CCDC171: variants seen among roughly 807,000 people sequenced by gnomAD.
The protein encoded by CCDC171 is coiled-coil domain-containing protein 171.
Under a neutral mutation model 168.2 loss-of-function variants are expected in CCDC171, and 177 were observed. That is an observed-to-expected ratio of 1.05 (90% CI 0.93 to 1.19). The LOEUF (loss-of-function observed/expected upper bound fraction) is 1.19. Ranked by LOEUF, CCDC171 falls within the 50% of genes most tolerant of loss-of-function variation. The pLI is 0.00. For missense variants in CCDC171, 1,991 were observed against 1,539.0 expected (o/e 1.29, Z -4.91); for synonymous variants, 687 against 540.8 (o/e 1.27, Z -3.75).
intron 23 of CCDC171, among the ~76,000 whole-genome samples, chr9:15,872,620 A>T (rs1281645515): frequency 6.6e-6 from 1 of 152,050 alleles, no homozygotes; most frequent in South Asian, 2.1e-4. Context: ...TGACTTTCAA[A>T]GCTAATAGTA....
intron 11 of CCDC171, among the ~76,000 whole-genome samples, chr9:15,702,792 G>A (rs1174839012): frequency 2.0e-5 from 3 of 152,142 alleles, no homozygotes; most frequent in Non-Finnish European, 4.4e-5. Flanking sequence ...TTATGCAGAA[G>A]GCTTTTTTCC....
intron 24 of CCDC171, chr9:15,889,147 G>A (rs1361957166): frequency 6.6e-6 from 1 of 151,166 alleles, no homozygotes; most frequent in Non-Finnish European, 1.5e-5. Context: ...TTTTTATGGA[G>A]ACAGAGTTTT....
chr9:15,596,663 T>A (rs2042389997), intron 6 of CCDC171, among the ~76,000 whole-genome samples: 1 of 151,906 alleles, frequency 6.6e-6, no homozygotes, highest in South Asian at 2.1e-4. Flanking sequence ...TTAAAGTAGT[T>A]TTTTCCAATT....
chr9:15,801,094 G>A (rs1426488229), intron 21 of CCDC171, among the ~76,000 whole-genome samples: 2 of 151,580 alleles, frequency 1.3e-5, no homozygotes, highest in African/African-American at 4.8e-5. Context: ...GGCTATTCTG[G>A]GTCTTTTGTG....
chr9:16,097,779 T>C, the CCDC171 span, among the ~76,000 whole-genome samples: 1 of 152,206 alleles, frequency 6.6e-6, no homozygotes. Context: ...AGTGCATCTC[T>C]CAGAACGAAT....
Position 15,591,488 on chromosome 9 carries a change from A to T in CCDC171, c.475A>T (p.Ile159Phe). The T allele has an allele frequency of 6.2e-7, 1 of 1,607,558 alleles. No homozygotes were observed. ...TGATTTGGAGGAAAGAGACAATATGATCCAAAATTGCAATCGAGAATATGA... is the reference window on the plus strand; with the variant it reads ...TGATTTGGAGGAAAGAGACAATATGTTCCAAAATTGCAATCGAGAATATGA... The part of the protein sequence containing the change: ...EHDLEERDNM[I>F]QNCNREYDLL... The change falls in exon 5 of 26, where the codon ATC becomes TTC. Residue 159 changes from isoleucine to phenylalanine, a missense_variant. Ile to Phe is a conservative substitution (Grantham distance 21). Transcript: ENST00000380701.
chr9:15,658,487 T>A (rs1249201270), intron 8 of CCDC171, among the ~76,000 whole-genome samples: 2 of 152,330 alleles, frequency 1.3e-5, no homozygotes, highest in African/African-American at 4.8e-5. Context: ...TGTCCACATC[T>A]GCCCTTATCC....
intron 7 of CCDC171, among the ~76,000 whole-genome samples, chr9:15,632,559 G>A (rs935807521): frequency 6.6e-6 from 1 of 152,058 alleles, no homozygotes; most frequent in Non-Finnish European, 1.5e-5. Context: ...ATGCTCATGG[G>A]TAGGAAGAAT....
intron 10 of CCDC171, among the ~76,000 whole-genome samples, chr9:15,684,479 A>G (rs1050379040): frequency 6.6e-6 from 1 of 151,910 alleles, no homozygotes; most frequent in African/African-American, 2.4e-5. Context: ...GATCAGCAAG[A>G]CCCATTTACC....
At chr9:15,908,877 A>G (rs1293537471) in intron 24 of CCDC171, among the ~76,000 whole-genome samples, 1 of 152,180 alleles carries the variant, frequency 6.6e-6, no homozygotes, top group East Asian at 1.9e-4. Flanking sequence ...ATCTCCGCTC[A>G]TGATCCAAAT....
intron 21 of CCDC171, among the ~76,000 whole-genome samples, chr9:15,828,623 A>G (rs1487123145): frequency 1.3e-5 from 2 of 152,184 alleles, no homozygotes; most frequent in Non-Finnish European, 2.9e-5. Flanking sequence ...GCAATACAGA[A>G]TAGAGAGGAC....
intron 18 of CCDC171, among the ~76,000 whole-genome samples, chr9:15,771,925 C>G (rs145601894): frequency 6.6e-6 from 1 of 152,104 alleles, no homozygotes. Context: ...CTCTGCCTCC[C>G]GGGTTCAAGT....
At chr9:16,106,612 G>C in the CCDC171 span, among the ~76,000 whole-genome samples, 1 of 152,166 alleles carries the variant, frequency 6.6e-6, no homozygotes, top group African/African-American at 2.4e-5. Flanking sequence ...AACAAAGGTT[G>C]TTTTCCCTCA....
chr9:15,851,317 A>G (rs983465311), intron 23 of CCDC171, among the ~76,000 whole-genome samples: 2 of 151,836 alleles, frequency 1.3e-5, no homozygotes, highest in East Asian at 1.9e-4. Context: ...AGTTAAAAAC[A>G]TATAGTTTTT....
chr9:15,678,675 A>G (rs1351873165), intron 9 of CCDC171, 83 bp from the exon 10 acceptor site: 2 of 1,136,666 alleles, frequency 1.8e-6, no homozygotes, highest in East Asian at 5.1e-5. Context: ...TATGTAGTAC[A>G]TCTGCCATAT....
chr9:15,773,024 ATTATTTTTGCTACT>A lies in CCDC171; in HGVS notation c.2672-4575_2672-4562del, dbSNP rs373226491. Among the ~76,000 whole-genome samples, 652 of 152,064 alleles carry A rather than the reference ATTATTTTTGCTACT, an allele frequency of 4.3e-3. 4 individuals are homozygous for A. The highest frequency in any genetic ancestry group is 7.1e-3 in the Admixed American group (108 of 15,282). ...ATTACTCATTATTACAATATTAGTA[ATTATTTTTGCTACT>A]ATTATACTCATTACTAACATTATTT... On this transcript the variant is annotated intron_variant, in intron 18 of 25. Coordinates refer to ENST00000380701, the MANE Select transcript of CCDC171 (RefSeq NM_173550.4).
intron 25 of CCDC171, among the ~76,000 whole-genome samples, chr9:15,969,774 G>A (rs898491816): frequency 1.4e-4 from 21 of 152,148 alleles, no homozygotes; most frequent in African/African-American, 7.2e-5. Context: ...TGAGAAGTTA[G>A]TAGATGGCAC....
the CCDC171 span, among the ~76,000 whole-genome samples, chr9:16,071,448 A>T: frequency 0.042 from 6,362 of 152,050 alleles, 403 homozygotes; most frequent in African/African-American, 0.14. Flanking sequence ...GCTCCCTCAG[A>T]CTTTCCAGCT....
Position 15,950,841 on chromosome 9 carries a change from G to T in CCDC171, c.3754-20768G>T, listed in dbSNP as rs184840092. ...GACACAGACTGGTAAATTGGATAAA[G>T]AGTCAAGACCCATCAGTGTGCTGTA... On this transcript the variant is annotated intron_variant, in intron 25 of 25. Transcript: ENST00000380701. 3.5e-3 allele frequency among the ~76,000 whole-genome samples: 527 copies of T among 151,572 alleles called. 1 individual carries two copies. The highest frequency in any genetic ancestry group is 5.8e-3 in the Non-Finnish European group (392 of 67,856).
Sources: gnomAD v4.1 joint callset for allele counts (sites outside exome capture counted in the v4.1 genomes callset) on GRCh38, gnomAD v4.1.1 for gene constraint, MANE v1.5 for transcripts, NCBI Gene and HGNC (gene_info 2026-07-23, HGNC 2026-07-21) for gene names.